CDH4: variants seen among roughly 807,000 people sequenced by gnomAD.
CDH4 encodes the protein cadherin 4, also known as cadherin-4.
A neutral mutation model predicts 86.0 loss-of-function variants in CDH4; 33 were observed. That is an observed-to-expected ratio of 0.38 (90% CI 0.29 to 0.51). The LOEUF (loss-of-function observed/expected upper bound fraction) is 0.51. Ranked by LOEUF, CDH4 falls within the 20% of genes least tolerant of loss-of-function variation. The pLI, the probability that CDH4 is intolerant of heterozygous loss-of-function variation, is 0.86. For synonymous variants in CDH4, 555 were observed against 549.4 expected (o/e 1.01, Z -0.14); for missense variants, 1,114 against 1,307.4 (o/e 0.85, Z 2.28).
chr20:61,649,035 T>C (rs996475249), intron 2 of CDH4, among the ~76,000 whole-genome samples: 2 of 152,204 alleles, frequency 1.3e-5, no homozygotes, highest in African/African-American at 4.8e-5. Context: ...TTATGTTTTA[T>C]CTATATTCGT....
rs118062531 is a variant in CDH4 at position 61,537,454 on chromosome 20, C to T, written c.170-206109C>T. 6.6e-3 allele frequency among the ~76,000 whole-genome samples: 998 copies of T among 152,190 alleles called. 2 individuals are homozygous for T. The highest frequency in any genetic ancestry group is 0.034 in the Middle Eastern group (10 of 294). ...GTCATCAGGGAGGCCCAGGCCAGCT[C>T]GGGAGGGCAGGGAGCTGGGGACCGC... is the stretch of plus-strand genomic sequence containing the variant. On this transcript the variant is annotated intron_variant, in intron 2 of 15. Coordinates refer to ENST00000614565, the MANE Select transcript of CDH4 (RefSeq NM_001794.5).
At chr20:61,571,987 G>T (rs545640370) in intron 2 of CDH4, among the ~76,000 whole-genome samples, 3 of 152,190 alleles carry the variant, frequency 2.0e-5, no homozygotes, top group East Asian at 3.9e-4. Flanking sequence ...CAGACAAAAG[G>T]TCAGGAGCTG....
chr20:61,608,381 AAG>A (rs2086660509), intron 2 of CDH4, among the ~76,000 whole-genome samples: 2 of 152,176 alleles, frequency 1.3e-5, no homozygotes. Context: ...AGAGTCTATG[AAG>A]AGACAGCCCA....
chr20:61,776,477 T>A (rs936897473), intron 4 of CDH4, among the ~76,000 whole-genome samples: 1 of 152,220 alleles, frequency 6.6e-6, no homozygotes, highest in African/African-American at 2.4e-5. Flanking sequence ...CTTCTCCTGT[T>A]CTGGGGTCTG....
At chr20:61,448,992 T>G (rs2085366366) in intron 2 of CDH4, among the ~76,000 whole-genome samples, 1 of 152,218 alleles carries the variant, frequency 6.6e-6, no homozygotes, top group African/African-American at 2.4e-5. Context: ...TGCTGGGTCC[T>G]GAATATTCAG....
Position 61,352,812 on chromosome 20 carries a change from C to G in CDH4, c.169+97875C>G, listed in dbSNP as rs190211404. Reference sequence around the variant, plus strand: ...CCGTCTGCCGCTTGCTGGTTTTCTGCTCTTCGGAGTTCTTCATCCGGCAGT... The same window carrying G: ...CCGTCTGCCGCTTGCTGGTTTTCTGGTCTTCGGAGTTCTTCATCCGGCAGT... On this transcript the variant is annotated intron_variant, in intron 2 of 15. Transcript: ENST00000614565. Among the ~76,000 whole-genome samples the G allele has an allele frequency of 5.4e-3, 827 of 152,224 alleles. 3 individuals are homozygous for G. The highest frequency in any genetic ancestry group is 0.018 in the African/African-American group (751 of 41,538).
At chr20:61,934,347 C>T (rs984708066) in intron 15 of CDH4, 127 bp downstream of exon 15, 22 of 1,022,184 alleles carry the variant, frequency 2.2e-5, no homozygotes, top group Middle Eastern at 5.3e-4. Flanking sequence ...AGCTCAGACC[C>T]GGGTTCCAGG....
chr20:61,289,289 C>A (rs1238936439), intron 2 of CDH4, among the ~76,000 whole-genome samples: 1 of 152,172 alleles, frequency 6.6e-6, no homozygotes, highest in African/African-American at 2.4e-5. Flanking sequence ...GGTAGGGACA[C>A]CAAAGCTCAC....
chr20:61,595,832 G>T (rs923938022), intron 2 of CDH4, among the ~76,000 whole-genome samples: 1 of 152,192 alleles, frequency 6.6e-6, no homozygotes, highest in Non-Finnish European at 1.5e-5. Flanking sequence ...CAGGGACCAG[G>T]CTCCAGTGCT....
chr20:61,471,641 C>CT (rs1216836564), intron 2 of CDH4, among the ~76,000 whole-genome samples: 2 of 151,838 alleles, frequency 1.3e-5, no homozygotes, highest in African/African-American at 2.4e-5. Flanking sequence ...GATATAGGTG[C>CT]TTATAGCTAT....
chr20:61,429,049 G>A (rs1292829341), intron 2 of CDH4, among the ~76,000 whole-genome samples: 4 of 143,646 alleles, frequency 2.8e-5, no homozygotes, highest in African/African-American at 7.4e-5. Context: ...AGATGTTAAC[G>A]AAGATGACGG....
intron 4 of CDH4, among the ~76,000 whole-genome samples, chr20:61,836,733 T>C (rs571073779): frequency 8.5e-5 from 13 of 152,346 alleles, no homozygotes; most frequent in African/African-American, 2.9e-4. Flanking sequence ...TGAGAACAGG[T>C]TTCACGTCGC....
At chr20:61,580,569 C>A (rs142900338) in intron 2 of CDH4, among the ~76,000 whole-genome samples, 25 of 152,334 alleles carry the variant, frequency 1.6e-4, no homozygotes, top group Non-Finnish European at 2.9e-4. Flanking sequence ...TAACTAGCAG[C>A]GTGCATGGCC....
intron 3 of CDH4, among the ~76,000 whole-genome samples, chr20:61,764,216 C>T (rs561184094): frequency 4.6e-5 from 7 of 152,330 alleles, no homozygotes; most frequent in South Asian, 4.1e-4. Context: ...CACAGGCCGC[C>T]GCAGGGTGCA....
chr20:61,629,339 C>T (rs1189122561), intron 2 of CDH4, among the ~76,000 whole-genome samples: 1 of 152,022 alleles, frequency 6.6e-6, no homozygotes, highest in Non-Finnish European at 1.5e-5. Flanking sequence ...GAGCAGCCGG[C>T]AGGGAGAGCT....
intron 8 of CDH4, among the ~76,000 whole-genome samples, chr20:61,906,686 G>C (rs1008175927): frequency 6.6e-6 from 1 of 152,044 alleles, no homozygotes; most frequent in Non-Finnish European, 1.5e-5. Context: ...GGGCAAGACG[G>C]TGTCCCCAGC....
intron 2 of CDH4, among the ~76,000 whole-genome samples, chr20:61,537,164 C>T (rs913829512): frequency 1.3e-5 from 2 of 152,212 alleles, no homozygotes; most frequent in Admixed American, 1.3e-4. Flanking sequence ...TGACTGTTCA[C>T]TTTCTTTCCC....
chr20:61,460,394 C>T (rs1367253461), intron 2 of CDH4, among the ~76,000 whole-genome samples: 1 of 152,208 alleles, frequency 6.6e-6, no homozygotes, highest in African/African-American at 2.4e-5. Flanking sequence ...CTCAGCTGGG[C>T]CCCAGAAACC....
At chr20:61,673,051 G>A (rs1165561175) in intron 2 of CDH4, among the ~76,000 whole-genome samples, 3 of 152,186 alleles carry the variant, frequency 2.0e-5, no homozygotes, top group African/African-American at 7.2e-5. Flanking sequence ...GGAAGATGCT[G>A]TGCTTGAGGA....
Sources: gnomAD v4.1 joint callset for allele counts (sites outside exome capture counted in the v4.1 genomes callset) on GRCh38, gnomAD v4.1.1 for gene constraint, MANE v1.5 for transcripts, NCBI Gene and HGNC (gene_info 2026-07-23, HGNC 2026-07-21) for gene names.